Variants in GLDC observed in about 807,000 individuals in gnomAD.
GLDC encodes the protein glycine decarboxylase.
A neutral mutation model predicts 121.3 loss-of-function variants in GLDC; 104 were observed. That is an observed-to-expected ratio of 0.86 (90% CI 0.73 to 1.01). GLDC has a LOEUF of 1.01. Ranked by LOEUF, GLDC falls within the 50% of genes least tolerant of loss-of-function variation. The pLI, the probability that GLDC is intolerant of heterozygous loss-of-function variation, is 0.00. For missense variants in GLDC, 1,429 were observed against 1,306.6 expected, an observed-to-expected ratio of 1.09 and a Z score of -1.44; for synonymous variants, 546 against 480.6, an observed-to-expected ratio of 1.14 and a Z score of -1.78.
At chr9:6,621,403 G>A (rs12351620) in intron 2 of GLDC, among the ~76,000 whole-genome samples, 1 of 152,070 alleles carries the variant, frequency 6.6e-6, no homozygotes, top group Non-Finnish European at 1.5e-5. Context: ...GATTGAAGAC[G>A]GTCACTTGGC....
intron 24 of GLDC, among the ~76,000 whole-genome samples, chr9:6,533,693 T>C (rs1362067750): frequency 6.6e-6 from 1 of 151,844 alleles, no homozygotes; most frequent in Non-Finnish European, 1.5e-5. Context: ...ACCCCATCTC[T>C]ACTAAAAATG....
intron 12 of GLDC, 132 bp downstream of exon 12, chr9:6,589,063 T>A (rs946951169): frequency 1.3e-6 from 1 of 744,828 alleles, no homozygotes. Context: ...GTTATGAGGA[T>A]GAAATACTTG....
In GLDC at chr9:6,610,090, G is replaced by C. The variant is rs529595328; in HGVS notation, c.635+102C>G. On this transcript the variant is annotated intron_variant, in intron 4 of 24. Transcript: ENST00000321612. ...AGTTTCTCTGAAAAGTCATACTCTA[G>C]AAAGCTGACTAAAGTAATATTCACA... 8 of 922,082 alleles carry C rather than the reference G, an allele frequency of 8.7e-6. No individual in the cohort carries two copies. In the East Asian group the frequency reaches 1.6e-4, roughly 18 times the overall value. The allele number at this position is 922,082 out of a possible 1,614,324, so 57.1% of individuals were successfully genotyped here.
Position 6,645,639 on chromosome 9 carries a change from G to A in GLDC, c.-140C>T, listed in dbSNP as rs958995307. ...GGACAGTCGGCCGGACAGATGGATG[G>A]ACGCTCGCGGGCAATGAATGGGCGC... On this transcript the variant is annotated 5_prime_UTR_variant, in exon 1 of 25. Transcript: ENST00000321612. 6.0e-6 allele frequency: 3 copies of A among 501,210 alleles called. No individual in the cohort carries two copies. Among genetic ancestry groups the A allele is most frequent in the Non-Finnish European group, 8.8e-6 (3 of 341,490 alleles). 31.0% of individuals were successfully genotyped at this position (501,210 alleles called of 1,614,324 possible).
At chr9:6,598,835 C>G (rs1033119031) in intron 8 of GLDC, among the ~76,000 whole-genome samples, 1 of 152,130 alleles carries the variant, frequency 6.6e-6, no homozygotes, top group Non-Finnish European at 1.5e-5. Context: ...ACCTTTCAAC[C>G]CAAGTTAAAT....
chr9:6,570,519 T>C lies in GLDC; in HGVS notation c.1851-5090A>G, dbSNP rs555700335. On this transcript the variant is annotated intron_variant, in intron 15 of 24. Transcript: ENST00000321612. ...GTGAAGTTCCCATTGAAGTTATTTA[T>C]AAGCAGTGGACCTATTTTACTTCTT... 6.6e-5 allele frequency among the ~76,000 whole-genome samples: 10 copies of C among 152,342 alleles called. No individual in the cohort carries two copies. In the South Asian group the frequency reaches 2.1e-3, roughly 32 times the overall value.
chr9:6,645,146 G>T, intron 1 of GLDC, 99 bp downstream of exon 1: 1 of 1,245,720 alleles, frequency 8.0e-7, no homozygotes, highest in Non-Finnish European at 1.1e-6. Context: ...GGGACCACGC[G>T]GAGCGCAGCA....
intron 8 of GLDC, 61 bp from the exon 9 acceptor site, chr9:6,595,180 T>C (rs1178509848): frequency 2.8e-6 from 3 of 1,082,044 alleles, no homozygotes; most frequent in East Asian, 2.4e-5. Context: ...GAGGGTGTAA[T>C]TACTTGACTT....
At chr9:6,641,851 A>G (rs899496729) in intron 2 of GLDC, among the ~76,000 whole-genome samples, 13 of 152,332 alleles carry the variant, frequency 8.5e-5, no homozygotes, top group Admixed American at 7.2e-4. Context: ...TTCTCTGTAC[A>G]TGGCAAATAA....
rs768354829 is a variant in GLDC, at chr9:6,645,350, C to T, written c.150G>A (p.Ser50=). The part of the protein sequence containing the change: ...GGGDSAAAGA[S]RLLERLLPRH... ...TGGGCAGAAGGCGCTCCAGGAGGCGCGAGGCCCCAGCCGCGGCGCTGTCCC... is the reference window on the plus strand; with the variant it reads ...TGGGCAGAAGGCGCTCCAGGAGGCGTGAGGCCCCAGCCGCGGCGCTGTCCC... The change falls in exon 1 of 25, where the codon TCG becomes TCA. Residue 50 remains serine (S), a synonymous_variant. Coordinates refer to ENST00000321612, the MANE Select transcript of GLDC (RefSeq NM_000170.3). The T allele has an allele frequency of 2.6e-5, 40 of 1,536,574 alleles. No homozygotes were observed. The South Asian group carries it at 4.7e-4, about 18-fold the overall frequency.
chr9:6,615,090 A>G (rs1243785179), intron 3 of GLDC, among the ~76,000 whole-genome samples: 4 of 152,222 alleles, frequency 2.6e-5, no homozygotes, highest in Non-Finnish European at 5.9e-5. Context: ...GCTCTAGCCA[A>G]TATCTCTTGC....
intron 15 of GLDC, among the ~76,000 whole-genome samples, chr9:6,578,107 G>C (rs1021617298): frequency 6.6e-6 from 1 of 151,660 alleles, no homozygotes; most frequent in South Asian, 2.1e-4. Context: ...TAGAGACTAA[G>C]TCTCACTATC....
At chr9:6,599,720 C>CAAAAAAAAA (rs549444099) in intron 8 of GLDC, among the ~76,000 whole-genome samples, 14 of 120,734 alleles carry the variant, frequency 1.2e-4, no homozygotes, top group African/African-American at 4.7e-4. Context: ...GACTCCATCT[C>CAAAAAAAAA]AAAAAAAAAA....
At chr9:6,585,787 A>G (rs1818257562) in intron 15 of GLDC, among the ~76,000 whole-genome samples, 1 of 152,180 alleles carries the variant, frequency 6.6e-6, no homozygotes, top group African/African-American at 2.4e-5. Flanking sequence ...TCTAAAATGT[A>G]AACTCACATA....
intron 14 of GLDC, 76 bp from the exon 15 acceptor site, chr9:6,587,359 C>A: frequency 8.9e-7 from 1 of 1,127,854 alleles, no homozygotes; most frequent in South Asian, 1.3e-5. Flanking sequence ...ATAATAATGA[C>A]GATGATGAGA....
chr9:6,602,221 G>A lies in GLDC; in HGVS notation c.1059-16C>T, dbSNP rs767215950. On this transcript the variant is annotated splice_polypyrimidine_tract_variant and intron_variant, in intron 7 of 24. Coordinates refer to ENST00000321612, the MANE Select transcript of GLDC (RefSeq NM_000170.3). ...AGTGGCATCTCTACACCAAGAATAA[G>A]GCATCCAGTTAGCACAGATAATCAC... 2 of 1,457,912 alleles carry A rather than the reference G, an allele frequency of 1.4e-6. No individual in the cohort carries two copies. The highest frequency in any genetic ancestry group is 2.3e-5 in the South Asian group (2 of 87,882). The allele number at this position is 1,457,912 out of a possible 1,614,324, so 90.3% of individuals were successfully genotyped here. A position where few individuals can be genotyped will look rare whatever the true frequency, so the allele number is the denominator to read the frequency against.
At chr9:6,641,993 C>T (rs563482221) in intron 2 of GLDC, among the ~76,000 whole-genome samples, 1 of 152,246 alleles carries the variant, frequency 6.6e-6, no homozygotes, top group South Asian at 2.1e-4. Flanking sequence ...ATTTGCTCTC[C>T]CCACCTGGAG....
chr9:6,538,301 C>A (rs1160456876), intron 22 of GLDC, among the ~76,000 whole-genome samples: 1 of 152,162 alleles, frequency 6.6e-6, no homozygotes, highest in African/African-American at 2.4e-5. Context: ...GTCCAAAAAT[C>A]TATGAGTCAT....
At position 6,532,936 on chromosome 9, in the gene GLDC, G is replaced by A. The variant is rs562050625; in HGVS notation, c.*81C>T. ...TATAAAACTCCTACTTGAGGCTGGG[G>A]TGGGAGATGAAATCTTTCTTGCTTA... On this transcript the variant is annotated 3_prime_UTR_variant, in exon 25 of 25. Transcript: ENST00000321612. The A allele has an allele frequency of 3.1e-6, 3 of 964,704 alleles. No homozygotes were observed. Among genetic ancestry groups the A allele is most frequent in the South Asian group, 2.6e-5 (2 of 77,568 alleles). 59.8% of individuals were successfully genotyped at this position (964,704 alleles called of 1,614,324 possible).
Sources: gnomAD v4.1 joint callset for allele counts (sites outside exome capture counted in the v4.1 genomes callset) on GRCh38, gnomAD v4.1.1 for gene constraint, MANE v1.5 for transcripts, NCBI Gene and HGNC (gene_info 2026-07-23, HGNC 2026-07-21) for gene names.